The following CADM2 variants were observed in gnomAD, a reference collection of about 807,000 sequenced individuals.
CADM2 encodes cell adhesion molecule 2.
Under a neutral mutation model 49.8 loss-of-function variants are expected in CADM2, and 12 were observed. The ratio of observed to expected loss-of-function variants is 0.24; its 90% CI spans 0.15 to 0.39. The LOEUF (loss-of-function observed/expected upper bound fraction) is 0.39. CADM2 is among the 10% of genes least tolerant of loss of function. The pLI is 1.00. For missense variants in CADM2, 378 were observed against 492.3 expected, an observed-to-expected ratio of 0.77 and a Z score of 2.20; for synonymous variants, 214 against 175.4, an observed-to-expected ratio of 1.22 and a Z score of -1.74.
chr3:85,242,066 T>G (rs978640607), intron 1 of CADM2, among the ~76,000 whole-genome samples: 7 of 115,836 alleles, frequency 6.0e-5, no homozygotes, highest in African/African-American at 2.5e-4. Context: ...GATTCTGTTG[T>G]TTTTTTTTTT....
In CADM2 at chr3:85,358,331, T is replaced by G. The variant is rs143272233; in HGVS notation, c.62-368191T>G. ...TTTCTAGAATTATATATCTAAGAAA[T>G]TTTGGGGTAAAGTAAGTCCAGTCTT... On this transcript the variant is annotated intron_variant, in intron 1 of 9. Coordinates refer to ENST00000383699, the MANE Select transcript of CADM2 (RefSeq NM_001167675.2). Among the ~76,000 whole-genome samples the G allele has an allele frequency of 3.4e-3, 522 of 152,218 alleles. 2 individuals are homozygous for G. In the Middle Eastern group the frequency reaches 0.041, roughly 12 times the overall value.
chr3:85,470,268 G>T (rs545162677), intron 1 of CADM2, among the ~76,000 whole-genome samples: 1 of 152,100 alleles, frequency 6.6e-6, no homozygotes. Flanking sequence ...ATCTTAAGGT[G>T]GTGATGCAAA....
At chr3:85,998,632 C>T (rs564387335) in intron 8 of CADM2, among the ~76,000 whole-genome samples, 2 of 152,084 alleles carry the variant, frequency 1.3e-5, no homozygotes, top group East Asian at 3.9e-4. Context: ...TATAGTAGGT[C>T]ACACTCAAAA....
chr3:85,880,490 A>G (rs1712590009), intron 3 of CADM2, among the ~76,000 whole-genome samples: 1 of 152,130 alleles, frequency 6.6e-6, no homozygotes, highest in South Asian at 2.1e-4. Context: ...CAGTCCTGCT[A>G]GAGGCAAATT....
At chr3:85,478,377 G>T (rs1251397478) in intron 1 of CADM2, among the ~76,000 whole-genome samples, 1 of 151,890 alleles carries the variant, frequency 6.6e-6, no homozygotes, top group Non-Finnish European at 1.5e-5. Context: ...CATTATTAAT[G>T]ATTTTTATTT....
At chr3:85,141,031 G>C (rs1289256710) in intron 1 of CADM2, among the ~76,000 whole-genome samples, 1 of 152,134 alleles carries the variant, frequency 6.6e-6, no homozygotes, top group African/African-American at 2.4e-5. Flanking sequence ...AATTTAGTCA[G>C]AGACTAAATA....
chr3:84,960,656 C>A lies in CADM2; in HGVS notation c.61+988C>A, dbSNP rs2030421041. Among the ~76,000 whole-genome samples, 2 of 152,132 alleles carry A rather than the reference C, an allele frequency of 1.3e-5. 1 individual carries two copies. Among genetic ancestry groups the A allele is most frequent in the South Asian group, 4.1e-4 (2 of 4,828 alleles). ...CTGCGACCGCAGCAGTGGAGGGAAA[C>A]CGCACAAAACGCTGTTATTATGCAA... On this transcript the variant is annotated intron_variant, in intron 1 of 9. Coordinates refer to ENST00000383699, the MANE Select transcript of CADM2 (RefSeq NM_001167675.2).
chr3:85,565,365 T>A (rs1340467675), intron 1 of CADM2, among the ~76,000 whole-genome samples: 3 of 152,106 alleles, frequency 2.0e-5, no homozygotes, highest in Admixed American at 6.6e-5. Context: ...CTTCTTTGTC[T>A]CCTGAGGCTT....
At chr3:85,488,127 T>C (rs1298360792) in intron 1 of CADM2, among the ~76,000 whole-genome samples, 1 of 152,188 alleles carries the variant, frequency 6.6e-6, no homozygotes, top group Non-Finnish European at 1.5e-5. Context: ...AAAATTTTTC[T>C]GTATTCACGT....
At chr3:85,591,422 G>A (rs1316721885) in intron 1 of CADM2, among the ~76,000 whole-genome samples, 1 of 141,176 alleles carries the variant, frequency 7.1e-6, no homozygotes, top group East Asian at 2.2e-4. Flanking sequence ...CATTAAAACA[G>A]TTGGGTTTAT....
intron 1 of CADM2, among the ~76,000 whole-genome samples, chr3:85,210,761 C>G (rs1559722404): frequency 6.6e-6 from 1 of 152,056 alleles, no homozygotes; most frequent in African/African-American, 2.4e-5. Context: ...ATGCTGACCT[C>G]AAACTGCTGA....
chr3:85,702,059 G>A (rs928715564), intron 1 of CADM2, among the ~76,000 whole-genome samples: 1 of 152,086 alleles, frequency 6.6e-6, no homozygotes, highest in Non-Finnish European at 1.5e-5. Flanking sequence ...CTCTAATTTA[G>A]TACAACTGAT....
At chr3:85,341,335 T>C (rs1341601815) in intron 1 of CADM2, among the ~76,000 whole-genome samples, 1 of 151,880 alleles carries the variant, frequency 6.6e-6, no homozygotes, top group East Asian at 1.9e-4. Flanking sequence ...TTGATAAGTA[T>C]AAAAATTCAT....
At chr3:85,999,224 C>G (rs1404714667) in intron 8 of CADM2, among the ~76,000 whole-genome samples, 1 of 146,916 alleles carries the variant, frequency 6.8e-6, no homozygotes, top group Admixed American at 7.0e-5. Context: ...TTTTGCCAGG[C>G]GTGGTGGCTC....
chr3:86,020,063 G>A (rs1345887328), intron 8 of CADM2, among the ~76,000 whole-genome samples: 3 of 151,944 alleles, frequency 2.0e-5, no homozygotes, highest in Non-Finnish European at 4.4e-5. Flanking sequence ...TTTTTTGAAA[G>A]GATCAACAAA....
intron 1 of CADM2, among the ~76,000 whole-genome samples, chr3:85,666,527 T>C (rs1342086839): frequency 6.6e-6 from 1 of 151,928 alleles, no homozygotes; most frequent in African/African-American, 2.4e-5. Context: ...ATTTAATATA[T>C]TTTACATGAC....
At chr3:85,218,023 A>G (rs1213222406) in intron 1 of CADM2, among the ~76,000 whole-genome samples, 2 of 152,124 alleles carry the variant, frequency 1.3e-5, no homozygotes, top group African/African-American at 4.8e-5. Flanking sequence ...TTTTAATTAA[A>G]ACAAAATGCT....
intron 3 of CADM2, among the ~76,000 whole-genome samples, chr3:85,863,174 T>G (rs1271833912): frequency 3.9e-5 from 6 of 152,136 alleles, no homozygotes; most frequent in Admixed American, 3.9e-4. Flanking sequence ...AAGCAGGTGA[T>G]AGGCATGAAT....
chr3:85,473,604 C>A (rs2038857670), intron 1 of CADM2, among the ~76,000 whole-genome samples: 1 of 152,092 alleles, frequency 6.6e-6, no homozygotes, highest in African/African-American at 2.4e-5. Context: ...CAAATCTTCA[C>A]TCCTGAATCC....
Sources: gnomAD v4.1 joint callset for allele counts (sites outside exome capture counted in the v4.1 genomes callset) on GRCh38, gnomAD v4.1.1 for gene constraint, MANE v1.5 for transcripts, NCBI Gene and HGNC (gene_info 2026-07-23, HGNC 2026-07-21) for gene names.